TMCO4: variants seen among roughly 807,000 people sequenced by gnomAD.
TMCO4 encodes transmembrane and coiled-coil domains 4.
TMCO4 carries 58 observed loss-of-function variants against 64.7 expected under a neutral mutation model. The observed-to-expected ratio is 0.90, with a 90% CI of 0.73 to 1.12. The LOEUF (loss-of-function observed/expected upper bound fraction) is 1.12, where lower values mean the gene tolerates loss of function less well. TMCO4 is among the 50% of genes most tolerant of loss of function. TMCO4 has a pLI of 0.00. For missense variants in TMCO4, 780 were observed against 825.9 expected, an observed-to-expected ratio of 0.94 and a Z score of 0.68; for synonymous variants, 325 against 346.1, an observed-to-expected ratio of 0.94 and a Z score of 0.68.
chr1:19,685,424 C>T (rs1426919247), intron 15 of TMCO4, among the ~76,000 whole-genome samples: 1 of 152,190 alleles, frequency 6.6e-6, no homozygotes, highest in East Asian at 1.9e-4. Flanking sequence ...GTGGCCACCC[C>T]CTTCGTCAGA....
At chr1:19,730,156 G>A (rs1425556168) in intron 13 of TMCO4, among the ~76,000 whole-genome samples, 7 of 152,200 alleles carry the variant, frequency 4.6e-5, no homozygotes, top group Non-Finnish European at 5.9e-5. Flanking sequence ...ATGTCTCCAT[G>A]CCTTGCTTTG....
At chr1:19,740,374 G>A (rs2095473772) in intron 11 of TMCO4, among the ~76,000 whole-genome samples, 1 of 152,208 alleles carries the variant, frequency 6.6e-6, no homozygotes. Flanking sequence ...ACATGGGCTT[G>A]CCTGCTCATC....
At chr1:19,720,254 C>T (rs1000120755) in intron 13 of TMCO4, among the ~76,000 whole-genome samples, 30 of 152,116 alleles carry the variant, frequency 2.0e-4, no homozygotes, top group Admixed American at 1.7e-3. Flanking sequence ...CCTCCCGCCT[C>T]GGCCTTCCAA....
intron 2 of TMCO4, among the ~76,000 whole-genome samples, chr1:19,791,908 T>G (rs2044059413): frequency 1.3e-5 from 2 of 152,174 alleles, no homozygotes; most frequent in South Asian, 4.1e-4. Flanking sequence ...AATTCCCACA[T>G]GTCATGGGAG....
At chr1:19,785,880 T>A (rs1183105596) in intron 3 of TMCO4, among the ~76,000 whole-genome samples, 2 of 152,118 alleles carry the variant, frequency 1.3e-5, no homozygotes, top group Non-Finnish European at 2.9e-5. Context: ...AAGGTGTCAT[T>A]CCAGCAGAGG....
At chr1:19,761,014 T>C (rs1198971684) in intron 6 of TMCO4, among the ~76,000 whole-genome samples, 1 of 152,210 alleles carries the variant, frequency 6.6e-6, no homozygotes, top group African/African-American at 2.4e-5. Flanking sequence ...CACCTACTCA[T>C]CTAGATCAGA....
At chr1:19,757,067 G>C (rs1278667679) in intron 6 of TMCO4, among the ~76,000 whole-genome samples, 1 of 150,980 alleles carries the variant, frequency 6.6e-6, no homozygotes, top group African/African-American at 2.4e-5. Flanking sequence ...GAGGTGGGCA[G>C]ATCACTTGAA....
intron 4 of TMCO4, among the ~76,000 whole-genome samples, chr1:19,779,378 G>A (rs538334747): frequency 1.5e-4 from 23 of 152,066 alleles, no homozygotes; most frequent in African/African-American, 4.6e-4. Flanking sequence ...TCCACCACTC[G>A]GTCATTGTCC....
intron 13 of TMCO4, among the ~76,000 whole-genome samples, chr1:19,712,345 G>T (rs1310485498): frequency 1.3e-5 from 2 of 152,172 alleles, no homozygotes; most frequent in Non-Finnish European, 2.9e-5. Flanking sequence ...GCTTGGCTGG[G>T]TGCAGTGGCT....
chr1:19,701,914 C>A (rs145814331), intron 13 of TMCO4, among the ~76,000 whole-genome samples: 4 of 152,266 alleles, frequency 2.6e-5, no homozygotes, highest in African/African-American at 7.2e-5. Context: ...GCATAAGGAT[C>A]GCTTCAGCCC....
At chr1:19,786,480 C>G (rs2043749232) in intron 3 of TMCO4, among the ~76,000 whole-genome samples, 1 of 152,152 alleles carries the variant, frequency 6.6e-6, no homozygotes. Flanking sequence ...AAGCATGTGT[C>G]AAGACCCAGA....
rs560046674 is a variant in TMCO4 at position 19,741,016 on chromosome 1, G to A, written c.878-75C>T. 8 of 1,448,174 alleles carry A rather than the reference G, an allele frequency of 5.5e-6. No homozygotes were observed. The South Asian group carries it at 8.4e-5, about 15-fold the overall frequency. 89.7% of individuals were successfully genotyped at this position (1,448,174 alleles called of 1,614,324 possible). A position where few individuals can be genotyped will look rare whatever the true frequency, so the allele number is the denominator to read the frequency against. On this transcript the variant is annotated intron_variant, in intron 10 of 15. Coordinates refer to ENST00000294543, the MANE Select transcript of TMCO4 (RefSeq NM_181719.7). Reference sequence around the variant, plus strand: ...GCCCCACCCCAGTACCCCAGACAAGGAGCACCAGGACCACTCACCCTTGTG... The same window carrying A: ...GCCCCACCCCAGTACCCCAGACAAGAAGCACCAGGACCACTCACCCTTGTG...
Position 19,697,773 on chromosome 1 carries a change from A to AT in TMCO4, c.1382+2994dup, listed in dbSNP as rs55842212. 9.4e-3 allele frequency among the ~76,000 whole-genome samples: 1,180 copies of AT among 125,586 alleles called. 56 individuals carry two copies. In the East Asian group the frequency reaches 0.14, roughly 15 times the overall value. The allele number at this position is 125,586 out of a possible 152,430, so 82.4% of individuals were successfully genotyped here. ...GCCACCATGCCTGGCTAATTTTTGT[A>AT]TTTTTTTTTTTTTTTTTTGTGGACA... On this transcript the variant is annotated intron_variant, in intron 14 of 15. Transcript: ENST00000294543.
chr1:19,778,354 A>G (rs145348598), intron 4 of TMCO4, among the ~76,000 whole-genome samples: 3,292 of 151,684 alleles, frequency 0.022, 72 homozygotes, highest in East Asian at 0.066. Flanking sequence ...GCTCATTGCA[A>G]CCTCTGCCTC....
intron 6 of TMCO4, among the ~76,000 whole-genome samples, chr1:19,767,372 G>A (rs1019633143): frequency 2.0e-5 from 3 of 152,170 alleles, no homozygotes; most frequent in African/African-American, 7.2e-5. Context: ...AATTTTAAGG[G>A]CGATGCTGGT....
intron 13 of TMCO4, among the ~76,000 whole-genome samples, chr1:19,719,801 T>C (rs2095373266): frequency 6.6e-6 from 1 of 152,096 alleles, no homozygotes; most frequent in South Asian, 2.1e-4. Context: ...AAGACCAGCC[T>C]GGCTAACATG....
intron 6 of TMCO4, among the ~76,000 whole-genome samples, chr1:19,766,993 T>TA (rs1338131999): frequency 3.3e-5 from 5 of 152,320 alleles, no homozygotes; most frequent in African/African-American, 9.6e-5. Context: ...CTGTTCCTCT[T>TA]ACCTGCTGGC....
chr1:19,747,589 C>G (rs1353643424), intron 7 of TMCO4, among the ~76,000 whole-genome samples: 3 of 152,102 alleles, frequency 2.0e-5, no homozygotes, highest in Non-Finnish European at 4.4e-5. Context: ...AGAAGAAGCA[C>G]AAAATAGATA....
chr1:19,700,745 G>T, intron 14 of TMCO4, 23 bp downstream of exon 14: 1 of 1,593,700 alleles, frequency 6.3e-7, no homozygotes, highest in Non-Finnish European at 8.6e-7. Flanking sequence ...TCACTTCCCC[G>T]CTGGCACGAG....
Sources: gnomAD v4.1 joint callset for allele counts (sites outside exome capture counted in the v4.1 genomes callset) on GRCh38, gnomAD v4.1.1 for gene constraint, MANE v1.5 for transcripts, NCBI Gene and HGNC (gene_info 2026-07-23, HGNC 2026-07-21) for gene names.